The following NRXN1 variants were observed in gnomAD, a reference collection of about 807,000 sequenced individuals.
The protein encoded by NRXN1 is neurexin-1.
In NRXN1, 39 loss-of-function variants were observed where a neutral mutation model predicts 150.9. The ratio of observed to expected loss-of-function variants is 0.26; its 90% CI spans 0.20 to 0.34. NRXN1 has a LOEUF of 0.34. Among genes scored for constraint, NRXN1 ranks in the 10% least tolerant of loss-of-function variants. NRXN1 has a pLI of 1.00. For missense variants in NRXN1, 1,815 were observed against 1,949.9 expected (o/e 0.93, Z 1.30); for synonymous variants, 924 against 757.0 (o/e 1.22, Z -3.62).
At chr2:50,538,000 C>T (rs573186185) in intron 10 of NRXN1, among the ~76,000 whole-genome samples, 2 of 152,288 alleles carry the variant, frequency 1.3e-5, no homozygotes, top group African/African-American at 4.8e-5. Context: ...TAGGCTCATA[C>T]TCTAGAGGAT....
chr2:50,986,201 C>T lies in NRXN1; in HGVS notation c.772+41301G>A, dbSNP rs887322051. Among the ~76,000 whole-genome samples the T allele has an allele frequency of 7.3e-5, 11 of 151,468 alleles. No homozygotes were observed. In the South Asian group the frequency reaches 1.2e-3, roughly 17 times the overall value. On this transcript the variant is annotated intron_variant, in intron 2 of 22. Transcript: ENST00000401669. ...CAAGCAAAACATAGTAATATTAAGT[C>T]GTGGTGAGGAGAATTAAAACAGAAG...
chr2:50,561,427 T>G (rs1398546282), intron 8 of NRXN1, among the ~76,000 whole-genome samples: 1 of 152,202 alleles, frequency 6.6e-6, no homozygotes, highest in Admixed American at 6.5e-5. Flanking sequence ...AACTGCAAAC[T>G]TGATCAATTG....
At chr2:50,733,996 C>G (rs948911748) in intron 5 of NRXN1, among the ~76,000 whole-genome samples, 2 of 152,004 alleles carry the variant, frequency 1.3e-5, no homozygotes, top group African/African-American at 4.8e-5. Context: ...AGAAGTTATT[C>G]TTAAAGTACT....
At chr2:50,945,638 T>A (rs1250806676) in intron 2 of NRXN1, among the ~76,000 whole-genome samples, 1 of 151,828 alleles carries the variant, frequency 6.6e-6, no homozygotes, top group African/African-American at 2.4e-5. Context: ...TGCTCATCCC[T>A]GACCTAGATT....
At chr2:50,757,013 G>A (rs1414149148) in intron 5 of NRXN1, among the ~76,000 whole-genome samples, 1 of 151,820 alleles carries the variant, frequency 6.6e-6, no homozygotes, top group East Asian at 1.9e-4. Flanking sequence ...GTATACTAAT[G>A]TGAGAAAACG....
In NRXN1 at chr2:49,919,533, T is replaced by TAATA. The variant is rs1169199140; in HGVS notation, c.*2407_*2410dup. ...TTCCAGATGGAAACTGGTTCAAGCT[T>TAATA]AATAGATAAAATAGAAAAGCAATCT... On this transcript the variant is annotated 3_prime_UTR_variant, in exon 23 of 23. Transcript: ENST00000401669. 1.3e-5 allele frequency: 2 copies of TAATA among 151,758 alleles called. No homozygotes were observed. The highest frequency in any genetic ancestry group is 4.8e-5 in the African/African-American group (2 of 41,354). 9.4% of individuals were successfully genotyped at this position (151,758 alleles called of 1,614,324 possible). A position where few individuals can be genotyped will look rare whatever the true frequency, so the allele number is the denominator to read the frequency against.
chr2:50,810,843 G>A (rs1024498799), intron 5 of NRXN1, among the ~76,000 whole-genome samples: 12 of 152,026 alleles, frequency 7.9e-5, no homozygotes, highest in Admixed American at 6.6e-5. Flanking sequence ...AGCCAGATGT[G>A]GTGGTGCACA....
intron 18 of NRXN1, among the ~76,000 whole-genome samples, chr2:50,094,714 C>A (rs775367648): frequency 1.3e-5 from 2 of 148,184 alleles, no homozygotes; most frequent in African/African-American, 2.5e-5. Context: ...TCCTGTTTAG[C>A]AGGGTTACTA....
At chr2:50,774,694 C>G (rs1165552207) in intron 5 of NRXN1, among the ~76,000 whole-genome samples, 1 of 152,088 alleles carries the variant, frequency 6.6e-6, no homozygotes, top group Non-Finnish European at 1.5e-5. Flanking sequence ...CTTGAAAAAG[C>G]AGACCATTAA....
rs371334819 is a variant in NRXN1, at chr2:50,561,137, G to T, written c.1321-8112C>A. Among the ~76,000 whole-genome samples, 3 of 152,284 alleles carry T rather than the reference G, an allele frequency of 2.0e-5. No homozygotes were observed. The East Asian group carries it at 5.8e-4, about 29-fold the overall frequency. On this transcript the variant is annotated intron_variant, in intron 8 of 22. Coordinates refer to ENST00000401669, the MANE Select transcript of NRXN1 (RefSeq NM_001330078.2). ...CCTGCTTTGTCCTTCCTTCATTCCAGCATTCAGTGAACTGCTTAAAGTTAC... is the reference window on the plus strand; with the variant it reads ...CCTGCTTTGTCCTTCCTTCATTCCATCATTCAGTGAACTGCTTAAAGTTAC...
intron 2 of NRXN1, among the ~76,000 whole-genome samples, chr2:50,933,844 A>T (rs1356810144): frequency 6.6e-6 from 1 of 152,132 alleles, no homozygotes; most frequent in Non-Finnish European, 1.5e-5. Context: ...TGTAACCCTA[A>T]TATAGCTTCT....
At chr2:50,566,177 T>C (rs1276643012) in intron 8 of NRXN1, among the ~76,000 whole-genome samples, 1 of 152,248 alleles carries the variant, frequency 6.6e-6, no homozygotes, top group East Asian at 1.9e-4. Flanking sequence ...AGACAGTTCA[T>C]TAGAGTTGGC....
chr2:51,020,354 G>T (rs1401094817), intron 2 of NRXN1, among the ~76,000 whole-genome samples: 3 of 151,782 alleles, frequency 2.0e-5, no homozygotes, highest in Non-Finnish European at 4.4e-5. Flanking sequence ...AGCGGAATAA[G>T]GGAAACAATG....
At chr2:50,994,894 A>G (rs1433917548) in intron 2 of NRXN1, among the ~76,000 whole-genome samples, 1 of 152,048 alleles carries the variant, frequency 6.6e-6, no homozygotes, top group Admixed American at 6.6e-5. Context: ...ATGCAATTAC[A>G]CTGTTTTTTT....
intron 17 of NRXN1, among the ~76,000 whole-genome samples, chr2:50,441,657 G>A (rs2085965515): frequency 6.6e-6 from 1 of 152,022 alleles, no homozygotes; most frequent in Admixed American, 6.6e-5. Flanking sequence ...CTTGTTCTGG[G>A]CTTTTTATTT....
chr2:50,922,094 C>T (rs1686131435), intron 4 of NRXN1, among the ~76,000 whole-genome samples: 1 of 151,746 alleles, frequency 6.6e-6, no homozygotes, highest in East Asian at 1.9e-4. Context: ...CAAGTACATG[C>T]AAAAAACTGA....
rs1553488170 is a variant in NRXN1, at chr2:50,357,305, T to TATTTA, written c.3364+108136_3364+108137insTAAAT. ...TAATACATTTATTTATTTATTTATT[T>TATTTA]TTTTTTTTATTTATTATTTTGAGAC... On this transcript the variant is annotated intron_variant, in intron 17 of 22. Coordinates refer to ENST00000401669, the MANE Select transcript of NRXN1 (RefSeq NM_001330078.2). Among the ~76,000 whole-genome samples the TATTTA allele has an allele frequency of 8.3e-5, 12 of 144,186 alleles. No homozygotes were observed. The East Asian group carries it at 1.5e-3, about 18-fold the overall frequency. The allele number at this position is 144,186 out of a possible 152,430, so 94.6% of individuals were successfully genotyped here. A position where few individuals can be genotyped will look rare whatever the true frequency, so the allele number is the denominator to read the frequency against.
chr2:50,177,774 A>ACTCTCT (rs72085403), intron 18 of NRXN1, among the ~76,000 whole-genome samples: 1,377 of 131,178 alleles, frequency 0.01, 22 homozygotes, highest in African/African-American at 0.036. Context: ...TAACTAACTA[A>ACTCTCT]CTCTCTCTCT....
intron 17 of NRXN1, among the ~76,000 whole-genome samples, chr2:50,383,397 T>A (rs960661980): frequency 6.6e-6 from 1 of 151,904 alleles, no homozygotes; most frequent in Admixed American, 6.6e-5. Flanking sequence ...TAAGAGGAAA[T>A]CTCCATACAG....
Sources: gnomAD v4.1 joint callset for allele counts (sites outside exome capture counted in the v4.1 genomes callset) on GRCh38, gnomAD v4.1.1 for gene constraint, MANE v1.5 for transcripts, NCBI Gene and HGNC (gene_info 2026-07-23, HGNC 2026-07-21) for gene names.